MPPED2: variants seen among roughly 807,000 people sequenced by gnomAD.
The protein encoded by MPPED2 is metallophosphoesterase MPPED2.
Under a neutral mutation model 33.0 loss-of-function variants are expected in MPPED2, and 5 were observed. The ratio of observed to expected loss-of-function variants is 0.15; its 90% CI spans 0.08 to 0.32. MPPED2 has a LOEUF of 0.32. Among genes scored for constraint, MPPED2 ranks in the 10% least tolerant of loss-of-function variants. MPPED2 has a pLI of 1.00. For synonymous variants in MPPED2, 136 were observed against 141.9 expected (o/e 0.96, Z 0.29); for missense variants, 275 against 372.1 (o/e 0.74, Z 2.15).
intron 4 of MPPED2, among the ~76,000 whole-genome samples, chr11:30,418,869 A>G (rs955028400): frequency 4.6e-5 from 7 of 152,238 alleles, no homozygotes; most frequent in Admixed American, 3.9e-4. Flanking sequence ...GTGGACATGT[A>G]TAGTCAAGAC....
chr11:30,569,907 A>C (rs139471695), intron 2 of MPPED2, among the ~76,000 whole-genome samples: 13 of 152,240 alleles, frequency 8.5e-5, no homozygotes, highest in African/African-American at 3.1e-4. Context: ...TCCCGGTGCT[A>C]AAGTCAAGCC....
At chr11:30,522,013 T>C (rs1247822647) in intron 3 of MPPED2, among the ~76,000 whole-genome samples, 1 of 152,194 alleles carries the variant, frequency 6.6e-6, no homozygotes, top group Non-Finnish European at 1.5e-5. Context: ...CTCATGATTA[T>C]TAGAAATGTA....
chr11:30,577,328 A>G (rs1956974188), intron 2 of MPPED2, among the ~76,000 whole-genome samples: 1 of 152,214 alleles, frequency 6.6e-6, no homozygotes, highest in Non-Finnish European at 1.5e-5. Flanking sequence ...GTAAGACATC[A>G]TTAAAGGGAT....
At chr11:30,564,501 G>T (rs1430827103) in intron 2 of MPPED2, among the ~76,000 whole-genome samples, 2 of 152,128 alleles carry the variant, frequency 1.3e-5, no homozygotes, top group Non-Finnish European at 2.9e-5. Flanking sequence ...ACACAGAGAG[G>T]TCACATTTAT....
chr11:30,523,206 A>G (rs537195250), intron 3 of MPPED2, among the ~76,000 whole-genome samples: 16 of 152,154 alleles, frequency 1.1e-4, no homozygotes, highest in Non-Finnish European at 2.1e-4. Context: ...GGAAGCGGAA[A>G]TGACTCTCCA....
At chr11:30,484,297 C>A (rs1951624894) in intron 4 of MPPED2, among the ~76,000 whole-genome samples, 1 of 152,034 alleles carries the variant, frequency 6.6e-6, no homozygotes, top group South Asian at 2.1e-4. Context: ...CCTTCTATAC[C>A]AGGTACTTCT....
intron 6 of MPPED2, among the ~76,000 whole-genome samples, chr11:30,413,677 G>A (rs1330388279): frequency 6.6e-6 from 1 of 152,192 alleles, no homozygotes; most frequent in Non-Finnish European, 1.5e-5. Context: ...TCTGAGGTTA[G>A]TAAGGAAAAG....
chr11:30,450,273 A>T (rs1289296424), intron 4 of MPPED2, among the ~76,000 whole-genome samples: 1 of 152,184 alleles, frequency 6.6e-6, no homozygotes, highest in Admixed American at 6.5e-5. Context: ...AGAGCCTAAA[A>T]CCCGCCCTCA....
At chr11:30,570,646 C>T (rs1421643073) in intron 2 of MPPED2, among the ~76,000 whole-genome samples, 1 of 152,172 alleles carries the variant, frequency 6.6e-6, no homozygotes, top group African/African-American at 2.4e-5. Context: ...ATGCCTATGT[C>T]ATAGAAGAAG....
At chr11:30,426,731 C>T (rs1790250245) in intron 4 of MPPED2, among the ~76,000 whole-genome samples, 2 of 152,166 alleles carry the variant, frequency 1.3e-5, no homozygotes, top group Non-Finnish European at 2.9e-5. Flanking sequence ...TTTTAAATAA[C>T]CTAATTTCAG....
chr11:30,421,440 T>C lies in MPPED2; in HGVS notation c.537-3807A>G, dbSNP rs1196606338. ...TGTCTTTTATTTCAACTCAGATCCA[T>C]ATGTGTATGAGAAGAAGAGCAGTTA... On this transcript the variant is annotated intron_variant, in intron 4 of 6. Coordinates refer to ENST00000358117, the MANE Select transcript of MPPED2 (RefSeq NM_001584.3). Among the ~76,000 whole-genome samples, 5 of 151,032 alleles carry C rather than the reference T, an allele frequency of 3.3e-5. No individual in the cohort carries two copies. The South Asian group carries it at 1.0e-3, about 32-fold the overall frequency.
Position 30,461,583 on chromosome 11 carries a change from T to G in MPPED2, c.536+33713A>C, listed in dbSNP as rs1169259824. 2.6e-5 allele frequency among the ~76,000 whole-genome samples: 4 copies of G among 151,414 alleles called. No individual in the cohort carries two copies. In the East Asian group the frequency reaches 7.8e-4, roughly 30 times the overall value. Reference sequence around the variant, plus strand: ...ACAACGTCTGCATTAGGAAAAGGAGTCCCAAAGACTGTCAGGCCTGTTGCA... The same window carrying G: ...ACAACGTCTGCATTAGGAAAAGGAGGCCCAAAGACTGTCAGGCCTGTTGCA... On this transcript the variant is annotated intron_variant, in intron 4 of 6. Transcript: ENST00000358117.
At chr11:30,422,166 T>C (rs768202827) in intron 4 of MPPED2, among the ~76,000 whole-genome samples, 3 of 152,172 alleles carry the variant, frequency 2.0e-5, no homozygotes, top group African/African-American at 7.2e-5. Flanking sequence ...GATTTCAAGA[T>C]TGCTTTTAGG....
intron 4 of MPPED2, among the ~76,000 whole-genome samples, chr11:30,494,286 G>A (rs1952127577): frequency 6.6e-6 from 1 of 152,166 alleles, no homozygotes. Context: ...AATGTTCAGA[G>A]CAGCTGAATC....
intron 4 of MPPED2, among the ~76,000 whole-genome samples, chr11:30,436,348 G>A (rs1425205173): frequency 6.6e-6 from 1 of 152,072 alleles, no homozygotes; most frequent in Non-Finnish European, 1.5e-5. Flanking sequence ...GCCACTCCAA[G>A]GTTCTGTGGC....
At chr11:30,514,365 G>T (rs980990675) in intron 3 of MPPED2, among the ~76,000 whole-genome samples, 2 of 152,184 alleles carry the variant, frequency 1.3e-5, no homozygotes, top group Non-Finnish European at 2.9e-5. Context: ...ATTACTTCAT[G>T]CTATACCTGG....
chr11:30,417,235 TTAAAA>T (rs1464686687), intron 5 of MPPED2, among the ~76,000 whole-genome samples: 1 of 152,116 alleles, frequency 6.6e-6, no homozygotes, highest in Non-Finnish European at 1.5e-5. Context: ...AATACAGTTC[TTAAAA>T]TAAATTATCA....
exon 7 of MPPED2, chr11:30,386,469 G>A (rs1947703410): frequency 6.1e-6 from 2 of 327,824 alleles, no homozygotes; most frequent in Non-Finnish European, 1.1e-5. Context: ...GAGGGTATAA[G>A]CTGTAAGCCT....
intron 4 of MPPED2, among the ~76,000 whole-genome samples, chr11:30,455,022 A>G (rs1950221880): frequency 6.6e-6 from 1 of 152,224 alleles, no homozygotes; most frequent in Non-Finnish European, 1.5e-5. Flanking sequence ...CTAGCCTCTG[A>G]TTTAATTCCA....
Sources: allele counts gnomAD v4.1 joint callset (sites outside exome capture counted in the v4.1 genomes callset), GRCh38; gene constraint gnomAD v4.1.1; transcripts MANE v1.5; gene names NCBI Gene and HGNC (gene_info 2026-07-23, HGNC 2026-07-21).